The following STRA6 variants were observed in gnomAD, a reference collection of about 807,000 sequenced individuals.
STRA6 encodes receptor for retinol uptake STRA6.
STRA6 carries 48 observed loss-of-function variants against 83.6 expected under a neutral mutation model. The ratio of observed to expected loss-of-function variants is 0.57; its 90% CI spans 0.46 to 0.73. The LOEUF (loss-of-function observed/expected upper bound fraction) is 0.73. Among genes scored for constraint, STRA6 ranks in the 30% least tolerant of loss-of-function variants. STRA6 has a pLI of 0.00. For missense variants in STRA6, 760 were observed against 838.8 expected, an observed-to-expected ratio of 0.91 and a Z score of 1.16; for synonymous variants, 353 against 362.3, an observed-to-expected ratio of 0.97 and a Z score of 0.29.
rs115701408 is a variant in STRA6, at chr15:74,188,042, C to T, written c.1090+1073G>A. 3.6e-3 allele frequency among the ~76,000 whole-genome samples: 555 copies of T among 152,280 alleles called. 4 individuals are homozygous for T. Among genetic ancestry groups the T allele is most frequent in the African/African-American group, 0.013 (548 of 41,554 alleles). On this transcript the variant is annotated intron_variant, in intron 12 of 18. Transcript: ENST00000395105. The surrounding 1 kb of genome is among the most constrained non-coding windows in gnomAD (Gnocchi z 4.5). ...CTGGGAGAGGACATTTTCAGCTCACCCGGAACTTGTCACCTGTCCAGTTTG... is the reference window on the plus strand; with the variant it reads ...CTGGGAGAGGACATTTTCAGCTCACTCGGAACTTGTCACCTGTCCAGTTTG...
chr15:74,201,588 C>T (rs1263114946), intron 2 of STRA6, among the ~76,000 whole-genome samples: 2 of 152,190 alleles, frequency 1.3e-5, no homozygotes, highest in African/African-American at 4.8e-5. Context: ...CTGGCCTGAG[C>T]ACTTCTGCTA....
chr15:74,210,125 T>C (rs567503665), upstream of STRA6, among the ~76,000 whole-genome samples: 8 of 152,318 alleles, frequency 5.3e-5, no homozygotes, highest in African/African-American at 1.9e-4. Flanking sequence ...ATCTTGTCCA[T>C]GGAGAAGAGG....
chr15:74,211,153 G>GCA (rs71137380), upstream of STRA6, among the ~76,000 whole-genome samples: 1,007 of 148,792 alleles, frequency 6.8e-3, 11 homozygotes, highest in African/African-American at 0.023. Context: ...GCACGCACAC[G>GCA]CACACACACA....
upstream of STRA6, chr15:74,209,435 C>G (rs767163302): frequency 6.5e-7 from 1 of 1,535,486 alleles, no homozygotes; most frequent in African/African-American, 1.4e-5. Flanking sequence ...CAGCTCGGCT[C>G]TTAATAACCG....
Position 74,180,193 on chromosome 15 carries a change from CG to C in STRA6, c.1890del (p.Ala632ProfsTer142). 1 of 1,614,036 alleles carries C rather than the reference CG, an allele frequency of 6.2e-7. No individual in the cohort carries two copies. The highest frequency in any genetic ancestry group is 8.5e-7 in the Non-Finnish European group (1 of 1,180,000). On this transcript the variant is annotated frameshift_variant, in exon 19 of 19. Transcript: ENST00000395105. LOFTEE classifies it high-confidence loss of function. ...CAGCGAGCCCTGCCGCGGCTGGCCC[CG>C]GGCCTAGCTCCCTTGGCCATGGAGT... ...TKDSMAKGAR[P>X]GASRGRARWG...
At chr15:74,205,583 C>T (rs2074241276), upstream of STRA6, among the ~76,000 whole-genome samples, 1 of 152,234 alleles carries the variant, frequency 6.6e-6, no homozygotes, top group Non-Finnish European at 1.5e-5. Context: ...ACTTCCAACA[C>T]TGGGGTCACA....
At position 74,189,151 on chromosome 15, in the gene STRA6, C is replaced by A; in HGVS notation, c.1054G>T (p.Val352Leu). 6.2e-7 allele frequency: 1 copy of A among 1,614,150 alleles called. No individual in the cohort carries two copies. The highest frequency in any genetic ancestry group is 8.5e-7 in the Non-Finnish European group (1 of 1,180,034). ...CACAGATGGTGCTTCACCAGCTCCA[C>A]CACCTCCTGCTTGTCCTCGGAGAGC... ...IVLSEDKQEV[V>L]ELVKHHLWAL... The change falls in exon 12 of 19, where the codon GTG becomes TTG. Residue 352 changes from valine (V) to leucine (L), a missense_variant. Coordinates refer to ENST00000395105, the MANE Select transcript of STRA6 (RefSeq NM_022369.4).
chr15:74,193,954 T>C, intron 7 of STRA6, 32 bp from the exon 8 acceptor site: 1 of 1,609,654 alleles, frequency 6.2e-7, no homozygotes, highest in Non-Finnish European at 8.5e-7. Flanking sequence ...CAGACTACTT[T>C]CCACCTTCTT....
chr15:74,194,621 C>T lies in STRA6; in HGVS notation c.597+681G>A, dbSNP rs144462258. On this transcript the variant is annotated intron_variant, in intron 7 of 18. Transcript: ENST00000395105. Reference sequence around the variant, plus strand: ...CATTTTGTTTGCGTGTCATGTCTGCCCTTCTGAAGTGACGGCTCTTGGGAG... The same window carrying T: ...CATTTTGTTTGCGTGTCATGTCTGCTCTTCTGAAGTGACGGCTCTTGGGAG... 359 of 614,034 alleles carry T rather than the reference C, an allele frequency of 5.8e-4. 3 individuals are homozygous for T. In the African/African-American group the frequency reaches 6.3e-3, roughly 11 times the overall value. 38.0% of individuals were successfully genotyped at this position (614,034 alleles called of 1,614,324 possible). A position where few individuals can be genotyped will look rare whatever the true frequency, so the allele number is the denominator to read the frequency against.
At chr15:74,194,162 G>C (rs1394301186) in intron 7 of STRA6, among the ~76,000 whole-genome samples, 6 of 141,866 alleles carry the variant, frequency 4.2e-5, no homozygotes. Context: ...GGGCCTGAGA[G>C]GAGCCAAGAG....
intron 8 of STRA6, among the ~76,000 whole-genome samples, chr15:74,193,551 T>A (rs1039972058): frequency 6.6e-6 from 1 of 152,166 alleles, no homozygotes; most frequent in Non-Finnish European, 1.5e-5. Flanking sequence ...TCTGACTCAG[T>A]TCTGCTTTGT....
At chr15:74,198,692 C>T (rs2142066854) in intron 2 of STRA6, among the ~76,000 whole-genome samples, 1 of 152,344 alleles carries the variant, frequency 6.6e-6, no homozygotes, top group South Asian at 2.1e-4. Flanking sequence ...GCCCACTGCA[C>T]AAAGATGCTC....
chr15:74,190,737 G>A, intron 11 of STRA6, 103 bp downstream of exon 11: 1 of 1,564,828 alleles, frequency 6.4e-7, no homozygotes, highest in Non-Finnish European at 8.8e-7. Flanking sequence ...TCAGGGTTCT[G>A]GATGGAGCAC....
intron 2 of STRA6, among the ~76,000 whole-genome samples, chr15:74,201,591 T>C (rs988925605): frequency 6.6e-6 from 1 of 152,154 alleles, no homozygotes; most frequent in Non-Finnish European, 1.5e-5. Flanking sequence ...GCCTGAGCAC[T>C]TCTGCTAAAG....
chr15:74,184,272 GAC>G (rs2073134238), intron 13 of STRA6, among the ~76,000 whole-genome samples: 1 of 152,224 alleles, frequency 6.6e-6, no homozygotes, highest in Admixed American at 6.5e-5. Flanking sequence ...GAATGGAAGT[GAC>G]ACACAGCACA....
upstream of STRA6, chr15:74,207,713 C>T (rs1485363408): frequency 1.0e-5 from 16 of 1,535,594 alleles, no homozygotes; most frequent in East Asian, 2.7e-4. Flanking sequence ...AGCCCAGTCC[C>T]CTTGAGAGTC....
At chr15:74,206,680 C>T (rs2142108150), upstream of STRA6, among the ~76,000 whole-genome samples, 1 of 152,282 alleles carries the variant, frequency 6.6e-6, no homozygotes, top group African/African-American at 2.4e-5. Flanking sequence ...GTCTTGCAGG[C>T]TCCCTGGAGG....
rs149593719 is a variant in STRA6 at position 74,186,315 on chromosome 15, T to C, written c.1091-1260A>G. 3.7e-3 allele frequency among the ~76,000 whole-genome samples: 563 copies of C among 152,320 alleles called. 3 individuals carry two copies. Among genetic ancestry groups the C allele is most frequent in the African/African-American group, 0.011 (478 of 41,570 alleles). ...ATTTATTGGGTGCCTACTACAGTGG[T>C]GATCAAACTTTGCTTGCATGAGAAT... is the stretch of plus-strand genomic sequence containing the variant. On this transcript the variant is annotated intron_variant, in intron 12 of 18. Coordinates refer to ENST00000395105, the MANE Select transcript of STRA6 (RefSeq NM_022369.4).
Position 74,191,239 on chromosome 15 carries a change from G to A in STRA6, c.793C>T (p.His265Tyr). ...GACAGGAAGCCATGCTTGGAGGTGT[G>A]GTAGCTGCAGAAAGACCCAGGCAGG... ...LCRKKLGSSYHTSKHGFLSWA... is the reference protein window; with the variant it reads ...LCRKKLGSSYYTSKHGFLSWA... Residue 265 changes from histidine (H) to tyrosine (Y), a missense_variant, in exon 10 of 19, where the codon CAC (histidine) becomes TAC (tyrosine). Coordinates refer to ENST00000395105, the MANE Select transcript of STRA6 (RefSeq NM_022369.4). 6.2e-7 allele frequency: 1 copy of A among 1,613,726 alleles called. No individual in the cohort carries two copies. Among genetic ancestry groups the A allele is most frequent in the Non-Finnish European group, 8.5e-7 (1 of 1,179,976 alleles).
Sources: allele counts gnomAD v4.1 joint callset (sites outside exome capture counted in the v4.1 genomes callset), GRCh38; gene constraint gnomAD v4.1.1; non-coding constraint Gnocchi (gnomAD v3.1); transcripts MANE v1.5; gene names NCBI Gene and HGNC (gene_info 2026-07-23, HGNC 2026-07-21).